RGS5: variants seen among roughly 807,000 people sequenced by gnomAD.
RGS5 encodes regulator of G protein signaling 5.
Under a neutral mutation model 18.9 loss-of-function variants are expected in RGS5, and 20 were observed. That is an observed-to-expected ratio of 1.06 (90% CI 0.74 to 1.54). RGS5 has a LOEUF of 1.54. RGS5 is among the 40% of genes most tolerant of loss of function. The pLI, the probability that RGS5 is intolerant of heterozygous loss-of-function variation, is 0.00. For missense variants in RGS5, 201 were observed against 211.8 expected (o/e 0.95, Z 0.32); for synonymous variants, 57 against 76.2 (o/e 0.75, Z 1.31).
At chr1:163,160,213 A>C (rs1358867101) in intron 3 of RGS5, among the ~76,000 whole-genome samples, 2 of 152,136 alleles carry the variant, frequency 1.3e-5, no homozygotes, top group African/African-American at 4.8e-5. Context: ...TCTTCTCCTT[A>C]AAGGTTTTGA....
At position 163,252,569 on chromosome 1, in the gene RGS5, T is replaced by C. The variant is rs143286162; in HGVS notation, c.-281+53664A>G. Among the ~76,000 whole-genome samples the C allele has an allele frequency of 2.9e-3, 449 of 152,314 alleles. 4 individuals are homozygous for C. The highest frequency in any genetic ancestry group is 9.2e-3 in the African/African-American group (384 of 41,582). ...AAATGTTCTAGAAAGTTCTTGACTT[T>C]TACTCCCAACATCAAGTGTTCTCAA... is the stretch of plus-strand genomic sequence containing the variant. On this transcript the variant is annotated intron_variant, in intron 2 of 5. Transcript: ENST00000618415.
At position 163,226,767 on chromosome 1, in the gene RGS5, T is replaced by C. The variant is rs188866632; in HGVS notation, c.-280-58399A>G. Reference sequence around the variant, plus strand: ...GTGATGTGTGAGTCTTTGGAGATGATTGCTATTATATCCAGTGGGAAAAAA... The same window carrying C: ...GTGATGTGTGAGTCTTTGGAGATGACTGCTATTATATCCAGTGGGAAAAAA... On this transcript the variant is annotated intron_variant, in intron 2 of 5. Transcript: ENST00000618415. Among the ~76,000 whole-genome samples the C allele has an allele frequency of 4.9e-3, 747 of 152,346 alleles. 6 individuals carry two copies. Among genetic ancestry groups the C allele is most frequent in the African/African-American group, 0.017 (703 of 41,580 alleles).
intron 3 of RGS5, among the ~76,000 whole-genome samples, chr1:163,159,928 T>A (rs1296298388): frequency 6.6e-6 from 1 of 152,088 alleles, no homozygotes; most frequent in Non-Finnish European, 1.5e-5. Flanking sequence ...CACACACAAG[T>A]GCATGTATAT....
chr1:163,169,384 A>G (rs1459830437), intron 1 of RGS5, among the ~76,000 whole-genome samples: 32 of 152,120 alleles, frequency 2.1e-4, no homozygotes, highest in Non-Finnish European at 3.5e-4. Context: ...ACCCAGTAAT[A>G]GGATGGCTGG....
upstream of RGS5, among the ~76,000 whole-genome samples, chr1:163,218,623 TA>T (rs1387656836): frequency 2.0e-5 from 3 of 151,472 alleles, no homozygotes; most frequent in African/African-American, 2.4e-5. Flanking sequence ...GAGAAAATAG[TA>T]AAAAAAAATT....
intron 1 of RGS5, among the ~76,000 whole-genome samples, chr1:163,316,355 T>C (rs1436752365): frequency 2.6e-5 from 4 of 152,210 alleles, no homozygotes; most frequent in Non-Finnish European, 1.5e-5. Flanking sequence ...GTACATAGTT[T>C]CAAAGATTTT....
chr1:163,317,475 C>G (rs975819305), intron 1 of RGS5, among the ~76,000 whole-genome samples: 1 of 152,190 alleles, frequency 6.6e-6, no homozygotes, highest in Non-Finnish European at 1.5e-5. Context: ...GGCAATGCCC[C>G]AGTATAAACT....
At chr1:163,163,723 T>C (rs1657909967) in intron 2 of RGS5, among the ~76,000 whole-genome samples, 1 of 152,182 alleles carries the variant, frequency 6.6e-6, no homozygotes, top group South Asian at 2.1e-4. Flanking sequence ...TTGCACACAA[T>C]AGACACCCAC....
intron 1 of RGS5, among the ~76,000 whole-genome samples, chr1:163,186,861 G>C (rs1659111394): frequency 6.6e-6 from 1 of 152,012 alleles, no homozygotes; most frequent in African/African-American, 2.4e-5. Flanking sequence ...ATTAGAGAAA[G>C]GGGAAAAAAA....
At chr1:163,220,009 C>T (rs987543563), upstream of RGS5, among the ~76,000 whole-genome samples, 2 of 152,100 alleles carry the variant, frequency 1.3e-5, no homozygotes, top group Non-Finnish European at 2.9e-5. Flanking sequence ...AATGCCTGAA[C>T]CAATTTACAT....
intron 2 of RGS5, among the ~76,000 whole-genome samples, chr1:163,279,541 T>C (rs1229129652): frequency 6.6e-6 from 1 of 151,928 alleles, no homozygotes; most frequent in Non-Finnish European, 1.5e-5. Flanking sequence ...GAGGAAAGTT[T>C]ATAGCACTAA....
chr1:163,172,793 A>G (rs1275662652), intron 1 of RGS5, among the ~76,000 whole-genome samples: 1 of 152,222 alleles, frequency 6.6e-6, no homozygotes, highest in African/African-American at 2.4e-5. Context: ...ATACAACAGT[A>G]AAGTTTAAAG....
chr1:163,311,932 A>T (rs762488251), intron 1 of RGS5, among the ~76,000 whole-genome samples: 9 of 152,258 alleles, frequency 5.9e-5, no homozygotes, highest in Non-Finnish European at 1.2e-4. Context: ...TCTGCAAATC[A>T]TAATGAAGTG....
At chr1:163,243,601 G>A (rs1443235358) in intron 2 of RGS5, among the ~76,000 whole-genome samples, 1 of 124,972 alleles carries the variant, frequency 8.0e-6, no homozygotes, top group East Asian at 2.3e-4. Flanking sequence ...CAGAGATGGC[G>A]CCACTGCACC....
chr1:163,187,017 C>T (rs995611107), intron 1 of RGS5, among the ~76,000 whole-genome samples: 2 of 152,164 alleles, frequency 1.3e-5, no homozygotes, highest in Non-Finnish European at 2.9e-5. Flanking sequence ...CTTTTTCATG[C>T]TCTCGAGCCA....
At chr1:163,153,485 G>A (rs1657457534) in intron 3 of RGS5, among the ~76,000 whole-genome samples, 1 of 152,096 alleles carries the variant, frequency 6.6e-6, no homozygotes, top group South Asian at 2.1e-4. Context: ...GTTACCCCAT[G>A]TAGCGTACTT....
chr1:163,167,637 T>C (rs1255653085), intron 2 of RGS5, among the ~76,000 whole-genome samples: 1 of 152,096 alleles, frequency 6.6e-6, no homozygotes, highest in Non-Finnish European at 1.5e-5. Flanking sequence ...CAATCAAGAA[T>C]ATTAATTTAT....
chr1:163,315,629 T>A (rs1191578574), intron 1 of RGS5, among the ~76,000 whole-genome samples: 2 of 152,144 alleles, frequency 1.3e-5, no homozygotes, highest in African/African-American at 2.4e-5. Context: ...TACTTTATAG[T>A]TCCAAACTAA....
At chr1:163,184,727 A>T (rs1240865642) in intron 1 of RGS5, among the ~76,000 whole-genome samples, 1 of 152,202 alleles carries the variant, frequency 6.6e-6, no homozygotes, top group East Asian at 1.9e-4. Flanking sequence ...AAAAAATGCT[A>T]TACTGCTGGC....
Sources: allele counts gnomAD v4.1 joint callset (sites outside exome capture counted in the v4.1 genomes callset), GRCh38; gene constraint gnomAD v4.1.1; transcripts MANE v1.5; gene names NCBI Gene and HGNC (gene_info 2026-07-23, HGNC 2026-07-21).